TMEM94: variants seen among roughly 807,000 people sequenced by gnomAD.
The protein encoded by TMEM94 is transmembrane protein 94, also known as ER Mg2+ ATPase.
TMEM94 carries 81 observed loss-of-function variants against 158.6 expected under a neutral mutation model. The ratio of observed to expected loss-of-function variants is 0.51; its 90% CI spans 0.43 to 0.61. The LOEUF (loss-of-function observed/expected upper bound fraction) is 0.61, where lower values mean the gene tolerates loss of function less well. TMEM94 is among the 20% of genes least tolerant of loss of function. The probability of loss-of-function intolerance (pLI) is 0.00; values close to 1 mark genes in which losing one functional copy is unlikely to be tolerated. For missense variants in TMEM94, 1,435 were observed against 1,762.0 expected (o/e 0.81, Z 3.32); for synonymous variants, 751 against 730.7 (o/e 1.03, Z -0.45).
intron 2 of TMEM94, among the ~76,000 whole-genome samples, chr17:75,477,246 C>T (rs943910414): frequency 1.3e-5 from 2 of 152,166 alleles, no homozygotes; most frequent in African/African-American, 4.8e-5. Context: ...AAGGAGGAAG[C>T]AGCTCTGCTC....
At position 75,498,592 on chromosome 17, in the gene TMEM94, T is replaced by C. The variant is rs969965583; in HGVS notation, c.3734-37T>C. The C allele has an allele frequency of 3.1e-6, 5 of 1,613,106 alleles. No individual in the cohort carries two copies. Among genetic ancestry groups the C allele is most frequent in the African/African-American group, 1.3e-5 (1 of 75,026 alleles). ...TGATGGTGGGAGAGGAGCCCCACTG[T>C]GGAAGTCTGACCCCCACATCGCCCC... On this transcript the variant is annotated intron_variant, in intron 29 of 31. Transcript: ENST00000314256. The surrounding 1 kb of genome is among the most constrained non-coding windows in gnomAD (Gnocchi z 6.7).
chr17:75,465,679 A>ATATATATATATATATATATTTTT (rs1247855961), intron 1 of TMEM94, among the ~76,000 whole-genome samples: 3 of 124,814 alleles, frequency 2.4e-5, no homozygotes, highest in African/African-American at 1.1e-4. Flanking sequence ...ATATATATAT[A>ATATATATATATATATATATTTTT]TTTTTTTTTA....
At chr17:75,497,980 C>A in intron 27 of TMEM94, 118 bp downstream of exon 27, 3 of 1,164,972 alleles carry the variant, frequency 2.6e-6, no homozygotes, top group South Asian at 1.4e-5. Flanking sequence ...AGAACTCCGG[C>A]ACTTGGTTCC....
In TMEM94 at chr17:75,493,770, T is replaced by A. The variant is rs961788968; in HGVS notation, c.2261T>A (p.Met754Lys). ...TGCTCTGCCTTCGCCTACAAGCCCA[T>A]GAACTGCGCCCTGTCCTCTCAGCTC... The part of the protein sequence containing the change: ...GYCSAFAYKP[M>K]NCALSSQLNG... The change falls in exon 18 of 32, where the codon ATG becomes AAG. Residue 754 changes from methionine (M) to lysine (K), a missense_variant. By Grantham distance (95) the Met-to-Lys change is moderately conservative. Coordinates refer to ENST00000314256, the MANE Select transcript of TMEM94 (RefSeq NM_014738.6). 1 of 1,613,984 alleles carries A rather than the reference T, an allele frequency of 6.2e-7. No homozygotes were observed. Among genetic ancestry groups the A allele is most frequent in the Non-Finnish European group, 8.5e-7 (1 of 1,180,042 alleles).
Position 75,491,751 on chromosome 17 carries a change from G to A in TMEM94, c.1447G>A (p.Glu483Lys). Residue 483 changes from glutamate to lysine, a missense_variant, in exon 14 of 32, where the codon GAG becomes AAG. Glu to Lys is a moderately conservative substitution (Grantham distance 56, BLOSUM62 1). Around this residue, in one of 3 missense-constraint regions of TMEM94, gnomAD observed 1,051 missense variants for 1,254.4 expected, o/e 0.84. Coordinates refer to ENST00000314256, the MANE Select transcript of TMEM94 (RefSeq NM_014738.6). The surrounding 1 kb of genome is among the most constrained non-coding windows in gnomAD (Gnocchi z 5.1). ...GAACAACACCCTGCACCTTTCCAAT[G>A]AGCAGGAGCGTGGCGACTGGCCTGG... ...SLNNTLHLSN[E>K]QERGDWPGEA... is the part of the protein sequence containing the mutation. 6.2e-7 allele frequency: 1 copy of A among 1,614,048 alleles called. No homozygotes were observed. Among genetic ancestry groups the A allele is most frequent in the Non-Finnish European group, 8.5e-7 (1 of 1,180,030 alleles).
chr17:75,486,054 C>T (rs748752113), intron 4 of TMEM94, 56 bp downstream of exon 4: 54 of 1,547,510 alleles, frequency 3.5e-5, no homozygotes, highest in South Asian at 2.4e-4. Context: ...CATCCTGCCG[C>T]GGCACCTGGG....
chr17:75,497,411 T>C (rs1487316688), intron 26 of TMEM94, among the ~76,000 whole-genome samples: 1 of 136,406 alleles, frequency 7.3e-6, no homozygotes, highest in Non-Finnish European at 1.5e-5. Flanking sequence ...TGGAGTGCAA[T>C]GGTGCAATCT....
Position 75,491,218 on chromosome 17 carries a change from G to C in TMEM94, c.1233+65G>C. The C allele has an allele frequency of 6.3e-7, 1 of 1,597,926 alleles. No individual in the cohort carries two copies. Among genetic ancestry groups the C allele is most frequent in the Non-Finnish European group, 8.5e-7 (1 of 1,169,798 alleles). On this transcript the variant is annotated intron_variant, in intron 12 of 31. Coordinates refer to ENST00000314256, the MANE Select transcript of TMEM94 (RefSeq NM_014738.6). The surrounding 1 kb of genome is among the most constrained non-coding windows in gnomAD (Gnocchi z 5.1). ...CCGCCCTGCTCTCTGGCTGGGCCTG[G>C]GCTGCCCACCTGCCGCTTGAGTGGC...
chr17:75,494,680 C>T lies in TMEM94; in HGVS notation c.2461C>T (p.Gln821Ter). The change falls in exon 19 of 32, where the codon CAG becomes TAG. Residue 821 changes from glutamine (Q) to a stop codon, truncating the protein, a stop_gained. Coordinates refer to ENST00000314256, the MANE Select transcript of TMEM94 (RefSeq NM_014738.6). LOFTEE classifies it high-confidence loss of function. ...KEDCMQALSG[Q>*]IFMGMVSSQY... ...AGACTGCATGCAGGCCCTGAGCGGC[C>T]AGATCTTCATGGGCATGGTGTCCTC... 1 of 1,613,706 alleles carries T rather than the reference C, an allele frequency of 6.2e-7. No homozygotes were observed. Among genetic ancestry groups the T allele is most frequent in the Non-Finnish European group, 8.5e-7 (1 of 1,180,038 alleles).
chr17:75,479,632 A>T (rs962776974), intron 2 of TMEM94, among the ~76,000 whole-genome samples: 16 of 151,536 alleles, frequency 1.1e-4, no homozygotes, highest in Non-Finnish European at 2.2e-4. Context: ...AAAAAATTTT[A>T]AAAGGCCAGG....
Position 75,491,150 on chromosome 17 carries a change from C to G in TMEM94, c.1230C>G (p.Val410=). 6.2e-7 allele frequency: 1 copy of G among 1,608,662 alleles called. No homozygotes were observed. Among genetic ancestry groups the G allele is most frequent in the Non-Finnish European group, 8.5e-7 (1 of 1,176,704 alleles). Residue 410 remains valine, a synonymous_variant, in exon 12 of 32, where the codon GTC becomes GTG. Coordinates refer to ENST00000314256, the MANE Select transcript of TMEM94 (RefSeq NM_014738.6). This position sits in a 1 kb window ranked among gnomAD's most constrained non-coding sequence, Gnocchi z 5.1. The stretch of plus-strand genomic sequence containing the variant: ...GCCTGCTGCACAGCCTGGGCTCTGT[C>G]ACGGTGAGGGTGGGCCTTGCGGGGA... The part of the protein sequence containing the change: ...SSSLLHSLGS[V]TVLCCVDKQG...
In TMEM94 at chr17:75,495,951, A is replaced by G; in HGVS notation, c.2945-15A>G. 6.3e-7 allele frequency: 1 copy of G among 1,596,212 alleles called. No individual in the cohort carries two copies. Among genetic ancestry groups the G allele is most frequent in the Non-Finnish European group, 8.6e-7 (1 of 1,165,198 alleles). On this transcript the variant is annotated splice_polypyrimidine_tract_variant and intron_variant, in intron 22 of 31. Transcript: ENST00000314256. This position sits in a 1 kb window ranked among gnomAD's most constrained non-coding sequence, Gnocchi z 5.6. ...CTGCCTGCCTGACTCTGGTGCCCTT[A>G]TACGCTGTCCTCAGCCATGTGTGAG...
rs920689794 is a variant in TMEM94 at position 75,491,782 on chromosome 17, C to T, written c.1478C>T (p.Ala493Val). The T allele has an allele frequency of 1.9e-6, 3 of 1,613,926 alleles. No homozygotes were observed. Among genetic ancestry groups the T allele is most frequent in the Non-Finnish European group, 2.5e-6 (3 of 1,180,034 alleles). The change falls in exon 14 of 32, where the codon GCT (alanine) becomes GTT (valine). Residue 493 changes from alanine to valine, a missense_variant. Physicochemically the swap from Ala to Val is moderately conservative, Grantham distance 64. Coordinates refer to ENST00000314256, the MANE Select transcript of TMEM94 (RefSeq NM_014738.6). The surrounding 1 kb of genome is among the most constrained non-coding windows in gnomAD (Gnocchi z 5.1). ...GAGCGTGGCGACTGGCCTGGCGAGG[C>T]TCCCAAGCCCCCCGAGCCCTATTCA... ...EQERGDWPGE[A>V]PKPPEPYSHH...
chr17:75,492,325 C>T lies in TMEM94; in HGVS notation c.1597-149C>T, dbSNP rs8066767. ...ACAGGAAGCGGATTTCAGGAGGGAGCGGGTGGAAGAGGGTGAGCAGCAGCT... is the reference window on the plus strand; with the variant it reads ...ACAGGAAGCGGATTTCAGGAGGGAGTGGGTGGAAGAGGGTGAGCAGCAGCT... On this transcript the variant is annotated intron_variant, in intron 14 of 31. Coordinates refer to ENST00000314256, the MANE Select transcript of TMEM94 (RefSeq NM_014738.6). The surrounding 1 kb of genome is among the most constrained non-coding windows in gnomAD (Gnocchi z 4.4). 1.3e-5 allele frequency: 18 copies of T among 1,431,452 alleles called. No homozygotes were observed. Among genetic ancestry groups the T allele is most frequent in the Middle Eastern group, 2.5e-4 (1 of 3,926 alleles). The allele number at this position is 1,431,452 out of a possible 1,614,324, so 88.7% of individuals were successfully genotyped here.
Position 75,498,050 on chromosome 17 carries a change from G to A in TMEM94, c.3490-125G>A, listed in dbSNP as rs750987317. 181 of 1,330,036 alleles carry A rather than the reference G, an allele frequency of 1.4e-4. No individual in the cohort carries two copies. The highest frequency in any genetic ancestry group is 2.4e-4 in the Middle Eastern group (1 of 4,084). 82.4% of individuals were successfully genotyped at this position (1,330,036 alleles called of 1,614,324 possible). A position where few individuals can be genotyped will look rare whatever the true frequency, so the allele number is the denominator to read the frequency against. On this transcript the variant is annotated intron_variant, in intron 27 of 31. Coordinates refer to ENST00000314256, the MANE Select transcript of TMEM94 (RefSeq NM_014738.6). This position sits in a 1 kb window ranked among gnomAD's most constrained non-coding sequence, Gnocchi z 6.7. ...ACAGAGCTGGGAAAGACCCTTGCTG[G>A]GGCTTGAGCTCCCTATCCCCCCAGG...
chr17:75,497,015 G>A (rs1051748285), intron 25 of TMEM94, 98 bp from the exon 26 acceptor site: 46 of 1,128,438 alleles, frequency 4.1e-5, no homozygotes, highest in Non-Finnish European at 5.7e-5. Context: ...CAGGATGTGA[G>A]CATCTATCTG....
rs537401657 is a variant in TMEM94, at chr17:75,460,515, A to AT, written c.-107+3781dup. ...GCAAAATCAGAATCAGGAGCTGCTG[A>AT]TTTTTTTTTTTTTTTTTGAGACAGA... is the stretch of plus-strand genomic sequence containing the variant. On this transcript the variant is annotated intron_variant, in intron 1 of 31. Transcript: ENST00000314256. 3.1e-3 allele frequency among the ~76,000 whole-genome samples: 431 copies of AT among 140,686 alleles called. 6 individuals are homozygous for AT. The highest frequency in any genetic ancestry group is 0.024 in the East Asian group (115 of 4,824). The allele number at this position is 140,686 out of a possible 152,430, so 92.3% of individuals were successfully genotyped here.
chr17:75,481,886 C>T (rs980193220), intron 2 of TMEM94, among the ~76,000 whole-genome samples: 1 of 152,228 alleles, frequency 6.6e-6, no homozygotes. Context: ...CTCCTTCAGG[C>T]GCTGCCTTTC....
In TMEM94 at chr17:75,498,660, C is replaced by T; in HGVS notation, c.3765C>T (p.Thr1255=). Residue 1255 remains threonine (T), a synonymous_variant, in exon 30 of 32, where the codon ACC becomes ACT. Coordinates refer to ENST00000314256, the MANE Select transcript of TMEM94 (RefSeq NM_014738.6). This position sits in a 1 kb window ranked among gnomAD's most constrained non-coding sequence, Gnocchi z 6.7. ...TTTCCATCACCCATGTGCATCGCACCAAGCCCCTGTGGAGAAAGAGCCCCT... is the reference window on the plus strand; with the variant it reads ...TTTCCATCACCCATGTGCATCGCACTAAGCCCCTGTGGAGAAAGAGCCCCT... ...VFISITHVHR[T]KPLWRKSPLT... The T allele has an allele frequency of 1.2e-6, 2 of 1,603,192 alleles. No homozygotes were observed. Among genetic ancestry groups the T allele is most frequent in the Non-Finnish European group, 1.7e-6 (2 of 1,174,488 alleles).
Sources: allele counts gnomAD v4.1 joint callset (sites outside exome capture counted in the v4.1 genomes callset), GRCh38; gene constraint gnomAD v4.1.1; regional missense constraint gnomAD v4.1.1; non-coding constraint Gnocchi (gnomAD v3.1); transcripts MANE v1.5; gene names NCBI Gene and HGNC (gene_info 2026-07-23, HGNC 2026-07-21).